Variants in ZMYM4 observed in about 807,000 individuals in gnomAD.
ZMYM4 encodes zinc finger MYM-type containing 4.
In ZMYM4, 31 loss-of-function variants were observed where a neutral mutation model predicts 183.2. That is an observed-to-expected ratio of 0.17 (90% CI 0.13 to 0.23). ZMYM4 has a LOEUF of 0.23. Ranked by LOEUF, ZMYM4 falls within the 10% of genes least tolerant of loss-of-function variation. ZMYM4 has a pLI of 1.00. For synonymous variants in ZMYM4, 592 were observed against 631.2 expected, an observed-to-expected ratio of 0.94 and a Z score of 0.93; for missense variants, 1,273 against 1,840.3, an observed-to-expected ratio of 0.69 and a Z score of 5.64.
chr1:35,397,286 CTATTTTAA>C, intron 19 of ZMYM4, 83 bp from the exon 20 acceptor site: 1 of 1,323,444 alleles, frequency 7.6e-7, no homozygotes, highest in African/African-American at 1.5e-5. Context: ...AATTTGTTTA[CTATTTTAA>C]TACCTAAATC....
At chr1:35,323,648 A>G (rs1269204396) in intron 1 of ZMYM4, among the ~76,000 whole-genome samples, 1 of 151,578 alleles carries the variant, frequency 6.6e-6, no homozygotes, top group Non-Finnish European at 1.5e-5. Context: ...GGTTCATGCC[A>G]TTCTCCTCAT....
chr1:35,368,462 C>T (rs1459970555), intron 5 of ZMYM4, among the ~76,000 whole-genome samples: 9 of 151,984 alleles, frequency 5.9e-5, no homozygotes, highest in Non-Finnish European at 1.0e-4. Context: ...ATAACAAATG[C>T]TACTGAGAGT....
intron 7 of ZMYM4, among the ~76,000 whole-genome samples, chr1:35,377,137 C>A (rs1644352476): frequency 6.6e-6 from 1 of 151,978 alleles, no homozygotes; most frequent in South Asian, 2.1e-4. Flanking sequence ...AAACTCCTGA[C>A]CTCAAGTGAT....
chr1:35,348,529 G>A (rs1490852747), intron 2 of ZMYM4, among the ~76,000 whole-genome samples: 2 of 152,116 alleles, frequency 1.3e-5, no homozygotes, highest in Non-Finnish European at 1.5e-5. Context: ...TTATTATCTC[G>A]TTCTCATGCA....
At chr1:35,295,381 G>C (rs894408728) in intron 1 of ZMYM4, among the ~76,000 whole-genome samples, 3 of 152,216 alleles carry the variant, frequency 2.0e-5, no homozygotes, top group Admixed American at 1.3e-4. Context: ...GAACATCAAA[G>C]AGGCAGCATA....
intron 10 of ZMYM4, 68 bp downstream of exon 10, chr1:35,385,660 C>T (rs962443070): frequency 1.2e-5 from 18 of 1,493,096 alleles, no homozygotes; most frequent in African/African-American, 8.7e-5. Flanking sequence ...TTGTTTTTAA[C>T]GGTTTTTTTT....
intron 26 of ZMYM4, among the ~76,000 whole-genome samples, chr1:35,411,401 T>C (rs1639891536): frequency 6.6e-6 from 1 of 151,846 alleles, no homozygotes; most frequent in South Asian, 2.1e-4. Flanking sequence ...GTGATCCGCC[T>C]GCCTCGGCCT....
chr1:35,361,149 T>G (rs780254520), intron 3 of ZMYM4, 45 bp from the exon 4 acceptor site: 1 of 1,498,802 alleles, frequency 6.7e-7, no homozygotes, highest in South Asian at 1.3e-5. Context: ...TAAGATTTGT[T>G]ATTCATATAC....
At chr1:35,303,459 A>G (rs1641383889) in intron 1 of ZMYM4, among the ~76,000 whole-genome samples, 1 of 152,020 alleles carries the variant, frequency 6.6e-6, no homozygotes, top group African/African-American at 2.4e-5. Context: ...AGGCTGGAGT[A>G]CAGTGGCACA....
intron 1 of ZMYM4, among the ~76,000 whole-genome samples, chr1:35,279,334 C>T (rs1640027629): frequency 6.6e-6 from 1 of 152,194 alleles, no homozygotes; most frequent in Non-Finnish European, 1.5e-5. Context: ...CCTTGTCAGT[C>T]TCCTTACATA....
At chr1:35,357,392 C>T (rs1488846674) in intron 2 of ZMYM4, among the ~76,000 whole-genome samples, 3 of 152,196 alleles carry the variant, frequency 2.0e-5, no homozygotes, top group African/African-American at 7.2e-5. Flanking sequence ...GTCTTCGCCT[C>T]ACTCTATTTT....
chr1:35,350,270 A>G (rs908289574), intron 2 of ZMYM4, among the ~76,000 whole-genome samples: 7 of 150,974 alleles, frequency 4.6e-5, no homozygotes, highest in Admixed American at 3.3e-4. Flanking sequence ...TTGTTAGAGA[A>G]CCATGATTTC....
Position 35,408,118 on chromosome 1 carries a change from G to A in ZMYM4, c.3907G>A (p.Asp1303Asn), listed in dbSNP as rs1558189655. 1 of 1,614,190 alleles carries A rather than the reference G, an allele frequency of 6.2e-7. No homozygotes were observed. The highest frequency in any genetic ancestry group is 2.2e-5 in the East Asian group (1 of 44,874). The stretch of plus-strand genomic sequence containing the variant: ...GCGGAGACCAAATGGTGAAAAATAT[G>A]ATCCAGACAGTATCTTATACTTGTG... ...EVRRPNGEKYDPDSILYLCLG... is the reference protein window; with the variant it reads ...EVRRPNGEKYNPDSILYLCLG... The change falls in exon 26 of 30, where the codon GAT (aspartate) becomes AAT (asparagine). Residue 1303 changes from aspartate to asparagine, a missense_variant. Around this residue, in one of 6 missense-constraint regions of ZMYM4, gnomAD observed 145 missense variants for 331.6 expected, o/e 0.44. Transcript: ENST00000314607.
chr1:35,274,975 T>C (rs976902622), intron 1 of ZMYM4, among the ~76,000 whole-genome samples: 96 of 152,336 alleles, frequency 6.3e-4, no homozygotes, highest in African/African-American at 2.2e-3. Context: ...TTCTCATTTG[T>C]AAAATAAAGC....
chr1:35,332,780 G>A (rs970064929), intron 2 of ZMYM4, among the ~76,000 whole-genome samples: 2 of 152,002 alleles, frequency 1.3e-5, no homozygotes, highest in Non-Finnish European at 2.9e-5. Flanking sequence ...CTCTGACCTC[G>A]AACTCCTGGG....
chr1:35,341,571 G>A (rs989395677), intron 2 of ZMYM4, among the ~76,000 whole-genome samples: 2 of 151,312 alleles, frequency 1.3e-5, no homozygotes, highest in African/African-American at 2.4e-5. Flanking sequence ...AATAGTCAGG[G>A]TGTTACTTAA....
rs1219294339 is a variant in ZMYM4, at chr1:35,420,924, A to G, written c.*1247A>G. ...AAACTCTAGCTGTTTCAGTAGTTCT[A>G]TGAGGATTGCAAGTCATAGGTGTGT... On this transcript the variant is annotated 3_prime_UTR_variant, in exon 30 of 30. Coordinates refer to ENST00000314607, the MANE Select transcript of ZMYM4 (RefSeq NM_005095.3). 2 of 152,404 alleles carry G rather than the reference A, an allele frequency of 1.3e-5. No individual in the cohort carries two copies. The highest frequency in any genetic ancestry group is 2.4e-5 in the African/African-American group (1 of 41,436). 9.4% of individuals were successfully genotyped at this position (152,404 alleles called of 1,614,324 possible). A position where few individuals can be genotyped will look rare whatever the true frequency, so the allele number is the denominator to read the frequency against.
rs747355369 is a variant in ZMYM4, at chr1:35,398,889, T to C, written c.3279T>C (p.Asp1093=). 89 of 1,614,010 alleles carry C rather than the reference T, an allele frequency of 5.5e-5. No homozygotes were observed. In the Admixed American group the frequency reaches 1.0e-3, roughly 18 times the overall value. The part of the protein sequence containing the change: ...EKDQGSTYSG[D]LESEAVSTPH... ...ACCAAGGAAGTACATACAGTGGTGATCTTGAATCAGAGGCAGTATCTACTC... is the reference window on the plus strand; with the variant it reads ...ACCAAGGAAGTACATACAGTGGTGACCTTGAATCAGAGGCAGTATCTACTC... Residue 1093 remains aspartate (D), a synonymous_variant, in exon 22 of 30, where the codon GAT becomes GAC. Coordinates refer to ENST00000314607, the MANE Select transcript of ZMYM4 (RefSeq NM_005095.3).
chr1:35,387,342 T>C, intron 12 of ZMYM4, 64 bp downstream of exon 12: 5 of 1,583,330 alleles, frequency 3.2e-6, no homozygotes, highest in Non-Finnish European at 4.3e-6. Context: ...AAAATTATTT[T>C]TAACTTTGCA....
Sources: allele counts gnomAD v4.1 joint callset (sites outside exome capture counted in the v4.1 genomes callset), GRCh38; gene constraint gnomAD v4.1.1; regional missense constraint gnomAD v4.1.1; transcripts MANE v1.5; gene names NCBI Gene and HGNC (gene_info 2026-07-23, HGNC 2026-07-21).